Variants in CLMP observed in about 807,000 individuals in gnomAD.
CLMP encodes the protein CXADR like cell adhesion molecule, also known as CXADR-like membrane protein.
A neutral mutation model predicts 45.2 loss-of-function variants in CLMP; 27 were observed. That is an observed-to-expected ratio of 0.60 (90% CI 0.44 to 0.82). CLMP has a LOEUF of 0.82. Among genes scored for constraint, CLMP ranks in the 40% least tolerant of loss-of-function variants. The pLI is 0.00. For synonymous variants in CLMP, 167 were observed against 171.4 expected, an observed-to-expected ratio of 0.97 and a Z score of 0.20; for missense variants, 403 against 448.4, an observed-to-expected ratio of 0.90 and a Z score of 0.91.
chr11:123,088,228 G>A (rs2135472924), intron 2 of CLMP, among the ~76,000 whole-genome samples: 1 of 152,182 alleles, frequency 6.6e-6, no homozygotes, highest in Admixed American at 6.5e-5. Context: ...AGGTTTCTTG[G>A]CAGGTGATAG....
chr11:123,083,985 C>A, intron 3 of CLMP, 138 bp from the exon 4 acceptor site: 1 of 918,196 alleles, frequency 1.1e-6, no homozygotes, highest in South Asian at 1.7e-5. Flanking sequence ...ATTCAACTAG[C>A]CTTGCTTTAC....
At position 123,157,187 on chromosome 11, in the gene CLMP, C is replaced by A. The variant is rs140771408; in HGVS notation, c.28+37726G>T. Among the ~76,000 whole-genome samples, 34 of 152,236 alleles carry A rather than the reference C, an allele frequency of 2.2e-4. 1 individual carries two copies. In the East Asian group the frequency reaches 6.6e-3, roughly 29 times the overall value. On this transcript the variant is annotated intron_variant, in intron 1 of 6. Coordinates refer to ENST00000448775, the MANE Select transcript of CLMP (RefSeq NM_024769.5). ...GATGTAACCTTCAGTCATCCCAGTC[C>A]AGGAGAATACTTGAGTGTCAGAACC...
At chr11:123,171,682 G>A (rs890364046) in intron 1 of CLMP, among the ~76,000 whole-genome samples, 5 of 152,100 alleles carry the variant, frequency 3.3e-5, no homozygotes, top group South Asian at 2.1e-4. Context: ...GGCCTCAAGC[G>A]ATCCGCCTTC....
chr11:123,182,332 G>A (rs577966523), intron 1 of CLMP, among the ~76,000 whole-genome samples: 13 of 152,158 alleles, frequency 8.5e-5, no homozygotes, highest in African/African-American at 2.2e-4. Flanking sequence ...CCATCCGAGC[G>A]AGGTCATCAC....
intron 1 of CLMP, among the ~76,000 whole-genome samples, chr11:123,149,009 T>C (rs1038302435): frequency 6.6e-6 from 1 of 152,152 alleles, no homozygotes; most frequent in Non-Finnish European, 1.5e-5. Flanking sequence ...TTAGAATCTG[T>C]TTTCTGTTTA....
intron 1 of CLMP, among the ~76,000 whole-genome samples, chr11:123,157,243 T>C (rs748019946): frequency 6.6e-6 from 1 of 152,118 alleles, no homozygotes; most frequent in Non-Finnish European, 1.5e-5. Flanking sequence ...CAGGGCAACC[T>C]CTTTATATCA....
intron 1 of CLMP, among the ~76,000 whole-genome samples, chr11:123,110,367 T>A (rs562389276): frequency 6.6e-6 from 1 of 151,098 alleles, no homozygotes; most frequent in South Asian, 2.1e-4. Flanking sequence ...GATGGGAGAA[T>A]CGCTTGAACC....
At chr11:123,080,485 G>T (rs1263644596) in intron 5 of CLMP, among the ~76,000 whole-genome samples, 1 of 152,036 alleles carries the variant, frequency 6.6e-6, no homozygotes, top group South Asian at 2.1e-4. Flanking sequence ...GTGCCACCAC[G>T]CCCAGCTAAT....
In CLMP at chr11:123,090,017, A is replaced by C. The variant is rs545936139; in HGVS notation, c.187-5304T>G. Among the ~76,000 whole-genome samples, 3 of 150,386 alleles carry C rather than the reference A, an allele frequency of 2.0e-5. No homozygotes were observed. The South Asian group carries it at 6.3e-4, about 32-fold the overall frequency. On this transcript the variant is annotated intron_variant, in intron 2 of 6. Transcript: ENST00000448775. ...GGAGGCTTAGGCAGGAGAACCTGGGAGGCGGAGGTTGCAGTGATCCAAGAT... is the reference window on the plus strand; with the variant it reads ...GGAGGCTTAGGCAGGAGAACCTGGGCGGCGGAGGTTGCAGTGATCCAAGAT...
At chr11:123,075,689 G>C (rs1489307378) in intron 5 of CLMP, among the ~76,000 whole-genome samples, 1 of 152,022 alleles carries the variant, frequency 6.6e-6, no homozygotes, top group African/African-American at 2.4e-5. Flanking sequence ...GCGCAACCAA[G>C]TGGTTATGTT....
chr11:123,118,261 C>G (rs546919055), intron 1 of CLMP, among the ~76,000 whole-genome samples: 2 of 152,244 alleles, frequency 1.3e-5, no homozygotes, highest in East Asian at 3.9e-4. Context: ...TCCCAAGTAG[C>G]TGGGATTATA....
At chr11:123,193,653 A>C (rs4936784) in intron 1 of CLMP, among the ~76,000 whole-genome samples, 115,646 of 152,174 alleles carry the variant, frequency 0.76, 44,557 homozygotes, top group African/African-American at 0.89. Context: ...TGCATACAGT[A>C]TAATTGGTTT....
intron 1 of CLMP, among the ~76,000 whole-genome samples, chr11:123,161,495 C>G (rs1861486993): frequency 6.6e-6 from 1 of 151,716 alleles, no homozygotes; most frequent in South Asian, 2.1e-4. Flanking sequence ...GGTGAAACCC[C>G]ATCTCTAAAA....
At chr11:123,112,176 TTCAAGC>T (rs1415758989) in intron 1 of CLMP, among the ~76,000 whole-genome samples, 1 of 152,130 alleles carries the variant, frequency 6.6e-6, no homozygotes, top group African/African-American at 2.4e-5. Flanking sequence ...TGAAGGCTCT[TTCAAGC>T]TTAAAGTTTA....
chr11:123,157,598 A>G (rs9943615), intron 1 of CLMP, among the ~76,000 whole-genome samples: 27,436 of 151,734 alleles, frequency 0.18, 2,667 homozygotes, highest in South Asian at 0.25. Flanking sequence ...AGTTGCCTAT[A>G]ATCCCAGCTA....
intron 1 of CLMP, among the ~76,000 whole-genome samples, chr11:123,166,435 G>A (rs1007472676): frequency 3.3e-5 from 5 of 152,200 alleles, no homozygotes; most frequent in South Asian, 2.1e-4. Context: ...AGTCTGCTGC[G>A]TGGAATCCCA....
chr11:123,140,620 CT>C (rs1417697419), intron 1 of CLMP, among the ~76,000 whole-genome samples: 2 of 152,124 alleles, frequency 1.3e-5, no homozygotes, highest in Non-Finnish European at 2.9e-5. Context: ...GCTTTCCTCT[CT>C]TTCTCTCTGC....
chr11:123,077,935 C>T (rs569840908), intron 5 of CLMP, among the ~76,000 whole-genome samples: 3 of 152,118 alleles, frequency 2.0e-5, no homozygotes, highest in South Asian at 4.2e-4. Flanking sequence ...GGTAAGACCC[C>T]GTCTCTACTA....
At chr11:123,186,969 C>T (rs1861842986) in intron 1 of CLMP, among the ~76,000 whole-genome samples, 1 of 152,136 alleles carries the variant, frequency 6.6e-6, no homozygotes, top group Non-Finnish European at 1.5e-5. Context: ...AGCAGACCCT[C>T]CAGATACCCA....
Sources: gnomAD v4.1 joint callset for allele counts (sites outside exome capture counted in the v4.1 genomes callset) on GRCh38, gnomAD v4.1.1 for gene constraint, MANE v1.5 for transcripts, NCBI Gene and HGNC (gene_info 2026-07-23, HGNC 2026-07-21) for gene names.